OSBPL11: variants seen among roughly 807,000 people sequenced by gnomAD.
OSBPL11 encodes the protein oxysterol-binding protein-related protein 11.
A neutral mutation model predicts 84.4 loss-of-function variants in OSBPL11; 33 were observed. The ratio of observed to expected loss-of-function variants is 0.39; its 90% confidence interval spans 0.30 to 0.52. The LOEUF is 0.52. OSBPL11 is among the 20% of genes least tolerant of loss of function. The probability of loss-of-function intolerance (pLI) is 0.72; values close to 1 mark genes in which losing one functional copy is unlikely to be tolerated. For synonymous variants in OSBPL11, 276 were observed against 310.2 expected, an observed-to-expected ratio of 0.89 and a Z score of 1.16; for missense variants, 736 against 901.1, an observed-to-expected ratio of 0.82 and a Z score of 2.35.
intron 1 of OSBPL11, 144 bp downstream of exon 1, chr3:125,594,493 G>A (rs1042868441): frequency 4.1e-5 from 38 of 938,150 alleles, no homozygotes; most frequent in Non-Finnish European, 1.9e-5. Context: ...TTTAGGCGAG[G>A]TCCCAGATCC....
chr3:125,538,765 G>T, intron 10 of OSBPL11, 132 bp from the exon 11 acceptor site: 1 of 636,122 alleles, frequency 1.6e-6, no homozygotes, highest in Non-Finnish European at 2.6e-6. Context: ...ATATGTCAGT[G>T]CCAAAGTTAG....
In OSBPL11 at chr3:125,578,959, C is replaced by A; in HGVS notation, c.489+1G>T. On this transcript the variant is annotated splice_donor_variant, in intron 4 of 12. Coordinates refer to ENST00000296220, the MANE Select transcript of OSBPL11 (RefSeq NM_022776.5). LOFTEE classifies it high-confidence loss of function. ...TTAATATTGTATATAAATCTACATA[C>A]CTTTCCAATAGCTTCAGTATGATGC... The A allele has an allele frequency of 6.5e-7, 1 of 1,540,078 alleles. No homozygotes were observed. The highest frequency in any genetic ancestry group is 8.8e-7 in the Non-Finnish European group (1 of 1,139,886).
rs75850421 is a variant in OSBPL11, at chr3:125,564,629, G to A, written c.869-786C>T. Reference sequence around the variant, plus strand: ...AAGGGATGCTCAGACTACTACAGCAGAAATGTAGGAGTAGGAAATGTATTA... The same window carrying A: ...AAGGGATGCTCAGACTACTACAGCAAAAATGTAGGAGTAGGAAATGTATTA... On this transcript the variant is annotated intron_variant, in intron 6 of 12. Transcript: ENST00000296220. 7.1e-3 allele frequency among the ~76,000 whole-genome samples: 1,084 copies of A among 151,622 alleles called. 10 individuals are homozygous for A. The highest frequency in any genetic ancestry group is 0.027 in the Middle Eastern group (8 of 294).
intron 2 of OSBPL11, among the ~76,000 whole-genome samples, chr3:125,581,036 G>T (rs995470334): frequency 6.6e-6 from 1 of 151,974 alleles, no homozygotes; most frequent in Non-Finnish European, 1.5e-5. Context: ...TTCTGATTTG[G>T]TTCTAGATTA....
At chr3:125,566,801 T>C (rs1936163179) in intron 6 of OSBPL11, among the ~76,000 whole-genome samples, 1 of 151,920 alleles carries the variant, frequency 6.6e-6, no homozygotes, top group Admixed American at 6.6e-5. Flanking sequence ...TATATTTTTT[T>C]TTTAATGGGG....
rs1447457116 is a variant in OSBPL11, at chr3:125,595,091, ACATACT to A, written c.-297_-292del. 3.3e-6 allele frequency: 1 copy of A among 307,402 alleles called. No individual in the cohort carries two copies. Among genetic ancestry groups the A allele is most frequent in the Non-Finnish European group, 6.2e-6 (1 of 161,384 alleles). The allele number at this position is 307,402 out of a possible 1,614,324, so 19.0% of individuals were successfully genotyped here. ...AGCATCCGGCGAGAAGACTTAAGTG[ACATACT>A]CAAAAGAGAAGGAGTGTGGGGAGGT... On this transcript the variant is annotated 5_prime_UTR_variant, in exon 1 of 13. It removes an upstream start codon present in the reference 5' UTR. Coordinates refer to ENST00000296220, the MANE Select transcript of OSBPL11 (RefSeq NM_022776.5).
At chr3:125,542,633 C>G (rs375248816) in intron 10 of OSBPL11, among the ~76,000 whole-genome samples, 3 of 151,936 alleles carry the variant, frequency 2.0e-5, no homozygotes, top group Non-Finnish European at 4.4e-5. Context: ...CTCAGCTTCC[C>G]GAGTAGCTGG....
At chr3:125,530,620 T>C in intron 12 of OSBPL11, 40 bp from the exon 13 acceptor site, 1 of 1,540,258 alleles carries the variant, frequency 6.5e-7, no homozygotes, top group Middle Eastern at 1.7e-4. Context: ...CCCTCTAATA[T>C]TATCAAAATC....
intron 3 of OSBPL11, 131 bp downstream of exon 3, chr3:125,579,733 GT>G (rs1409336103): frequency 1.3e-6 from 1 of 794,754 alleles, no homozygotes; most frequent in African/African-American, 1.8e-5. Context: ...CAGTTCCAAG[GT>G]TCAGAATATT....
At chr3:125,556,450 G>T (rs533563270) in intron 8 of OSBPL11, among the ~76,000 whole-genome samples, 1 of 152,278 alleles carries the variant, frequency 6.6e-6, no homozygotes, top group East Asian at 1.9e-4. Flanking sequence ...CTCAGAGTTG[G>T]AGGTAGGTCA....
At chr3:125,557,443 G>A (rs539027775) in intron 8 of OSBPL11, among the ~76,000 whole-genome samples, 5 of 152,030 alleles carry the variant, frequency 3.3e-5, no homozygotes, top group South Asian at 2.1e-4. Flanking sequence ...GTGCAGTGGC[G>A]CAACCTCAGC....
At chr3:125,556,786 C>T (rs1482877685) in intron 8 of OSBPL11, among the ~76,000 whole-genome samples, 1 of 151,938 alleles carries the variant, frequency 6.6e-6, no homozygotes. Flanking sequence ...AAAACTATAG[C>T]AAAAAGTAGA....
rs373463243 is a variant in OSBPL11, at chr3:125,567,614, T to C, written c.667-19A>G. ...ACATCATCTAAGGAAAAAACAGTTCTGTGGGTCCTACTCATGATTTCTGTA... is the reference window on the plus strand; with the variant it reads ...ACATCATCTAAGGAAAAAACAGTTCCGTGGGTCCTACTCATGATTTCTGTA... On this transcript the variant is annotated intron_variant, in intron 5 of 12. Transcript: ENST00000296220. 1.4e-5 allele frequency: 23 copies of C among 1,591,370 alleles called. No homozygotes were observed. Among genetic ancestry groups the C allele is most frequent in the Non-Finnish European group, 1.8e-5 (21 of 1,159,806 alleles).
At chr3:125,559,451 C>T (rs1235609105) in intron 8 of OSBPL11, among the ~76,000 whole-genome samples, 1 of 152,072 alleles carries the variant, frequency 6.6e-6, no homozygotes, top group Non-Finnish European at 1.5e-5. Flanking sequence ...CGCAGTGGCA[C>T]AATCTCAGCT....
intron 10 of OSBPL11, among the ~76,000 whole-genome samples, chr3:125,543,666 C>T (rs557461487): frequency 2.6e-5 from 4 of 152,066 alleles, no homozygotes; most frequent in Non-Finnish European, 4.4e-5. Context: ...TTTGAGAGGC[C>T]AAGGTGGGCA....
chr3:125,538,380 G>A, intron 11 of OSBPL11, 71 bp downstream of exon 11: 1 of 1,445,276 alleles, frequency 6.9e-7, no homozygotes, highest in South Asian at 1.3e-5. Context: ...AAGGTCACCA[G>A]TTAGTGAAAA....
At chr3:125,561,820 A>T (rs575329644) in intron 7 of OSBPL11, among the ~76,000 whole-genome samples, 1 of 152,318 alleles carries the variant, frequency 6.6e-6, no homozygotes, top group South Asian at 2.1e-4. Flanking sequence ...CATTTCCCAT[A>T]AGCCAGGTGT....
intron 4 of OSBPL11, among the ~76,000 whole-genome samples, 178 bp downstream of exon 4, chr3:125,578,778 AAAAG>A (rs1248403070): frequency 6.6e-6 from 1 of 152,168 alleles, no homozygotes; most frequent in Non-Finnish European, 1.5e-5. Flanking sequence ...CTCAAAAAAA[AAAAG>A]AAAGTTACAA....
chr3:125,533,476 C>T (rs531437480), intron 11 of OSBPL11, among the ~76,000 whole-genome samples: 2 of 152,150 alleles, frequency 1.3e-5, no homozygotes, highest in East Asian at 1.9e-4. Flanking sequence ...CCGCCCACCT[C>T]GGCCTCCCAA....
Sources: allele counts gnomAD v4.1 joint callset (sites outside exome capture counted in the v4.1 genomes callset), GRCh38; gene constraint gnomAD v4.1.1; transcripts MANE v1.5; gene names NCBI Gene and HGNC (gene_info 2026-07-23, HGNC 2026-07-21).